Variants in IL13RA2 observed in about 807,000 individuals in gnomAD.
The protein encoded by IL13RA2 is interleukin 13 receptor subunit alpha 2.
Under a neutral mutation model 34.1 loss-of-function variants are expected in IL13RA2, and 25 were observed. The ratio of observed to expected loss-of-function variants is 0.73; its 90% CI spans 0.53 to 1.03. The LOEUF (loss-of-function observed/expected upper bound fraction) is 1.03. Ranked by LOEUF, IL13RA2 falls within the 50% of genes least tolerant of loss-of-function variation. The pLI, the probability that IL13RA2 is intolerant of heterozygous loss-of-function variation, is 0.00. For synonymous variants in IL13RA2, 106 were observed against 100.4 expected (o/e 1.06, Z -0.33); for missense variants, 297 against 280.9 (o/e 1.06, Z -0.41).
intron 9 of IL13RA2, among the ~76,000 whole-genome samples, chrX:115,004,577 A>C (rs2147583463): frequency 9.2e-6 from 1 of 108,810 alleles, no homozygotes; most frequent in Non-Finnish European, 1.9e-5. Context: ...ACTCCTCTCC[A>C]GCCTGAGTGA....
intron 8 of IL13RA2, among the ~76,000 whole-genome samples, chrX:115,006,501 G>A (rs1361503530): frequency 9.0e-6 from 1 of 110,845 alleles, no homozygotes; most frequent in East Asian, 2.8e-4. Context: ...TAGCCGACAC[G>A]GTGAAACTCT....
chrX:115,015,424 T>A (rs1005302961), intron 3 of IL13RA2, among the ~76,000 whole-genome samples: 1 of 111,833 alleles, frequency 8.9e-6, no homozygotes, highest in African/African-American at 3.2e-5. Context: ...CAAGTTCATA[T>A]TGCACGAGAC....
chrX:115,013,262 A>G (rs1373542426), intron 5 of IL13RA2, among the ~76,000 whole-genome samples: 2 of 111,071 alleles, frequency 1.8e-5, no homozygotes, highest in Admixed American at 1.9e-4. Flanking sequence ...GAGCTCTTAC[A>G]GTAGAGATGG....
chrX:115,016,499 C>A (rs1292660343), intron 2 of IL13RA2, among the ~76,000 whole-genome samples: 1 of 108,387 alleles, frequency 9.2e-6, no homozygotes, highest in South Asian at 3.8e-4. Context: ...TGCTCATGTA[C>A]GCCAGAATTT....
chrX:115,014,702 T>C (rs1401692824), intron 3 of IL13RA2, 128 bp from the exon 4 acceptor site: 6 of 356,342 alleles, frequency 1.7e-5, no homozygotes, highest in African/African-American at 1.3e-4. Context: ...TCCTAGAGAC[T>C]ATTTGATACA....
At chrX:115,016,718 A>G (rs1280026478) in intron 2 of IL13RA2, among the ~76,000 whole-genome samples, 4 of 106,978 alleles carry the variant, frequency 3.7e-5, no homozygotes, top group African/African-American at 1.3e-4. Context: ...CATTATATTA[A>G]ATAATATAAT....
intron 5 of IL13RA2, among the ~76,000 whole-genome samples, chrX:115,012,568 C>T (rs2071709899): frequency 1.8e-5 from 2 of 111,594 alleles, no homozygotes; most frequent in Admixed American, 1.9e-4. Context: ...AGCTTGAGAC[C>T]AGCATGGGCA....
At chrX:115,005,426 T>A in intron 8 of IL13RA2, 111 bp from the exon 9 acceptor site, 1 of 527,167 alleles carries the variant, frequency 1.9e-6, no homozygotes, top group Non-Finnish European at 3.4e-6. Flanking sequence ...GAAACCCCTG[T>A]CATATTTGCC....
At chrX:115,006,321 T>C (rs2071684899) in intron 8 of IL13RA2, among the ~76,000 whole-genome samples, 1 of 111,836 alleles carries the variant, frequency 8.9e-6, no homozygotes, top group Admixed American at 9.6e-5. Context: ...CAATAAGAAA[T>C]GTCCTAAAGA....
chrX:115,015,823 T>G lies in IL13RA2; in HGVS notation c.95-2A>C. The G allele has an allele frequency of 8.8e-7, 1 of 1,138,917 alleles. No individual in the cohort carries two copies. The highest frequency in any genetic ancestry group is 1.2e-6 in the Non-Finnish European group (1 of 834,435). 93.9% of individuals were successfully genotyped at this position (1,138,917 alleles called of 1,213,427 possible). ...TCTCAAAATCCTGAGGAGGGTTAAC[T>G]GAAATAAATCAATAAAACACTTTTA... is the stretch of plus-strand genomic sequence containing the variant. On this transcript the variant is annotated splice_acceptor_variant, in intron 2 of 9. Transcript: ENST00000243213. LOFTEE classifies it high-confidence loss of function.
intron 9 of IL13RA2, 40 bp from the exon 10 acceptor site, chrX:115,004,146 C>T (rs782455980): frequency 1.5e-5 from 11 of 736,534 alleles, no homozygotes; most frequent in Non-Finnish European, 1.7e-5. Flanking sequence ...TCTCTAATAA[C>T]ACAAACTATT....
chrX:115,010,685 G>A lies in IL13RA2; in HGVS notation c.665C>T (p.Pro222Leu). 1 of 1,015,874 alleles carries A rather than the reference G, an allele frequency of 9.8e-7. No homozygotes were observed. Among genetic ancestry groups the A allele is most frequent in the South Asian group, 2.1e-5 (1 of 48,174 alleles). 83.7% of individuals were successfully genotyped at this position (1,015,874 alleles called of 1,213,427 possible). A position where few individuals can be genotyped will look rare whatever the true frequency, so the allele number is the denominator to read the frequency against. The change falls in exon 6 of 10, where the codon CCT (proline) becomes CTT (leucine). Residue 222 changes from proline to leucine, a missense_variant. Transcript: ENST00000243213. ...AAAAGTGAAATAACTGGATCTGATA[G>A]GCTTGTTCTCTGATGATCCATTAAC... ...ICVNGSSENK[P>L]IRSSYFTFQL...
At chrX:115,010,375 A>G (rs1300290320) in intron 6 of IL13RA2, among the ~76,000 whole-genome samples, 1 of 112,330 alleles carries the variant, frequency 8.9e-6, no homozygotes, top group African/African-American at 3.2e-5. Flanking sequence ...CTGAAGATGG[A>G]AAATAAAATT....
intron 6 of IL13RA2, among the ~76,000 whole-genome samples, chrX:115,010,384 T>C (rs1556508560): frequency 8.9e-6 from 1 of 111,870 alleles, no homozygotes. Context: ...GAAAATAAAA[T>C]TGTGAGTTCT....
At chrX:115,009,104 T>C (rs1388036050) in intron 7 of IL13RA2, among the ~76,000 whole-genome samples, 1 of 111,689 alleles carries the variant, frequency 9.0e-6, no homozygotes, top group African/African-American at 3.3e-5. Flanking sequence ...ATTGCCTAAT[T>C]CCCCAGGCAG....
intron 4 of IL13RA2, 133 bp downstream of exon 4, chrX:115,014,288 A>G (rs781982513): frequency 2.0e-6 from 1 of 505,714 alleles, no homozygotes; most frequent in East Asian, 3.5e-5. Flanking sequence ...ACCAACTACA[A>G]GAAAGATTCT....
At chrX:115,006,474 G>C (rs1461183552) in intron 8 of IL13RA2, among the ~76,000 whole-genome samples, 1 of 111,216 alleles carries the variant, frequency 9.0e-6, no homozygotes, top group Non-Finnish European at 1.9e-5. Context: ...CTTGAGGCCA[G>C]GAGTTCAAGA....
chrX:115,009,283 TA>T (rs1556508357), intron 7 of IL13RA2, among the ~76,000 whole-genome samples: 1 of 110,939 alleles, frequency 9.0e-6, no homozygotes, highest in Non-Finnish European at 1.9e-5. Flanking sequence ...AACTTTAATT[TA>T]TTGACACAAA....
At chrX:115,011,955 T>A (rs1824443826) in intron 5 of IL13RA2, among the ~76,000 whole-genome samples, 1 of 112,167 alleles carries the variant, frequency 8.9e-6, no homozygotes, top group African/African-American at 3.2e-5. Flanking sequence ...TGCTTAATAT[T>A]TGTTGAATTA....
Sources: allele counts gnomAD v4.1 joint callset (sites outside exome capture counted in the v4.1 genomes callset), GRCh38; gene constraint gnomAD v4.1.1; transcripts MANE v1.5; gene names NCBI Gene and HGNC (gene_info 2026-07-23, HGNC 2026-07-21).